PLXDC2: variants seen among roughly 807,000 people sequenced by gnomAD.
The protein encoded by PLXDC2 is plexin domain containing 2, also known as plexin domain-containing protein 2.
Under a neutral mutation model 68.9 loss-of-function variants are expected in PLXDC2, and 40 were observed. The observed-to-expected ratio is 0.58, with a 90% CI of 0.45 to 0.76. PLXDC2 has a LOEUF of 0.76. PLXDC2 is among the 30% of genes least tolerant of loss of function. PLXDC2 has a pLI of 0.00. For missense variants in PLXDC2, 644 were observed against 661.9 expected (o/e 0.97, Z 0.30); for synonymous variants, 243 against 234.2 (o/e 1.04, Z -0.34).
chr10:20,124,544 C>G (rs185026889), intron 4 of PLXDC2, among the ~76,000 whole-genome samples: 3 of 152,250 alleles, frequency 2.0e-5, no homozygotes, highest in South Asian at 2.1e-4. Flanking sequence ...TCCTGCGTGT[C>G]TGAGTGAAGA....
Position 20,217,562 on chromosome 10 carries a change from G to T in PLXDC2, c.1259G>T (p.Ser420Ile), listed in dbSNP as rs374351012. The T allele has an allele frequency of 1.5e-6, 2 of 1,365,886 alleles. No homozygotes were observed. 84.6% of individuals were successfully genotyped at this position (1,365,886 alleles called of 1,614,324 possible). Residue 420 changes from serine to isoleucine, a missense_variant, in exon 11 of 14, where the codon AGC becomes ATC. Physicochemically the swap from Ser to Ile is moderately radical, Grantham distance 142. This residue lies in a region of PLXDC2 where 330 missense variants were observed against 327.9 expected (regional missense o/e 1.01). Coordinates refer to ENST00000377252, the MANE Select transcript of PLXDC2 (RefSeq NM_032812.9). ...GCAGTGACTTCTCAGTTTCCCACCA[G>T]CCTCCCTACAGAAGGTACCCAAGAG... ...RRAVTSQFPT[S>I]LPTEDDTKIA...
At chr10:20,220,999 C>T (rs528964675) in intron 12 of PLXDC2, among the ~76,000 whole-genome samples, 90 of 151,954 alleles carry the variant, frequency 5.9e-4, no homozygotes, top group African/African-American at 2.0e-3. Context: ...CCCACCACTA[C>T]GCCTGGCTAA....
At chr10:19,967,737 C>T (rs934445302) in intron 1 of PLXDC2, among the ~76,000 whole-genome samples, 1 of 152,178 alleles carries the variant, frequency 6.6e-6, no homozygotes, top group African/African-American at 2.4e-5. Context: ...CTTTCTTTCT[C>T]ATTTTAAAGC....
At chr10:19,964,987 C>T (rs1834224070) in intron 1 of PLXDC2, among the ~76,000 whole-genome samples, 2 of 152,140 alleles carry the variant, frequency 1.3e-5, no homozygotes, top group Non-Finnish European at 2.9e-5. Flanking sequence ...TAACAGTTAT[C>T]CTGCTTGCAA....
At chr10:20,199,160 G>T (rs2131846149) in intron 9 of PLXDC2, among the ~76,000 whole-genome samples, 1 of 152,116 alleles carries the variant, frequency 6.6e-6, no homozygotes, top group East Asian at 1.9e-4. Flanking sequence ...AATGCAATTA[G>T]TAGCACTGGT....
intron 3 of PLXDC2, among the ~76,000 whole-genome samples, chr10:20,064,155 T>G (rs976919641): frequency 6.6e-6 from 1 of 151,970 alleles, no homozygotes; most frequent in African/African-American, 2.4e-5. Context: ...TCTTAAAGGA[T>G]GAAATCCAAG....
chr10:20,252,890 AC>A (rs1033870973), intron 13 of PLXDC2, among the ~76,000 whole-genome samples: 6 of 152,286 alleles, frequency 3.9e-5, no homozygotes, highest in Admixed American at 3.9e-4. Context: ...GAGCAATGTT[AC>A]CTTTTTTGAT....
chr10:20,033,297 T>C, intron 2 of PLXDC2, among the ~76,000 whole-genome samples: 1 of 152,076 alleles, frequency 6.6e-6, no homozygotes, highest in South Asian at 2.1e-4. Flanking sequence ...GGATTAAAGA[T>C]GGAGAGAATG....
At chr10:19,876,601 C>CAAAAAAAAA (rs61268790) in intron 1 of PLXDC2, among the ~76,000 whole-genome samples, 3 of 63,972 alleles carry the variant, frequency 4.7e-5, no homozygotes, top group African/African-American at 6.7e-5. Context: ...GATTCCATCT[C>CAAAAAAAAA]AAAAAAAAAA....
chr10:19,842,223 C>T (rs1836923052), intron 1 of PLXDC2, among the ~76,000 whole-genome samples: 1 of 152,144 alleles, frequency 6.6e-6, no homozygotes, highest in Admixed American at 6.5e-5. Context: ...CAGGTAGCTT[C>T]AGATCCCTGT....
chr10:20,263,556 C>A (rs968334246), intron 13 of PLXDC2, among the ~76,000 whole-genome samples: 1 of 152,128 alleles, frequency 6.6e-6, no homozygotes, highest in Non-Finnish European at 1.5e-5. Flanking sequence ...GAACTGTCAA[C>A]AAAGTAAACA....
chr10:19,871,872 G>T (rs555610735), intron 1 of PLXDC2, among the ~76,000 whole-genome samples: 1 of 128,648 alleles, frequency 7.8e-6, no homozygotes, highest in South Asian at 2.6e-4. Context: ...GGCAACAAGA[G>T]TGAAACTGTC....
At chr10:19,966,777 G>A (rs1290992885) in intron 1 of PLXDC2, among the ~76,000 whole-genome samples, 2 of 151,150 alleles carry the variant, frequency 1.3e-5, no homozygotes, top group East Asian at 3.9e-4. Context: ...TTGAGAACAG[G>A]CCTCCTGGGA....
chr10:20,265,095 A>C (rs913631560), intron 13 of PLXDC2, among the ~76,000 whole-genome samples: 3 of 152,222 alleles, frequency 2.0e-5, no homozygotes, highest in African/African-American at 7.2e-5. Context: ...AAGAAAATAG[A>C]GTAACCATGT....
chr10:20,168,777 A>G (rs914443547), intron 7 of PLXDC2, among the ~76,000 whole-genome samples: 4 of 152,200 alleles, frequency 2.6e-5, no homozygotes, highest in South Asian at 2.1e-4. Flanking sequence ...GAAGCATAGC[A>G]CATTATAATT....
intron 3 of PLXDC2, among the ~76,000 whole-genome samples, chr10:20,060,236 T>C (rs995994626): frequency 2.0e-5 from 3 of 151,906 alleles, no homozygotes; most frequent in African/African-American, 7.3e-5. Flanking sequence ...CTATTTTGCC[T>C]AGGCTGGTGT....
chr10:20,056,961 T>C (rs1836009081), intron 3 of PLXDC2, among the ~76,000 whole-genome samples: 1 of 152,132 alleles, frequency 6.6e-6, no homozygotes, highest in Non-Finnish European at 1.5e-5. Context: ...TTTATAATCA[T>C]AAAGCCTGCT....
At chr10:20,266,356 T>G (rs1835871958) in intron 13 of PLXDC2, among the ~76,000 whole-genome samples, 1 of 149,702 alleles carries the variant, frequency 6.7e-6, no homozygotes, top group African/African-American at 2.4e-5. Flanking sequence ...TTAATGAAAT[T>G]GTTGGGGAAA....
chr10:20,021,721 A>G lies in PLXDC2; in HGVS notation c.324+19735A>G, dbSNP rs1835313097. On this transcript the variant is annotated intron_variant, in intron 2 of 13. Transcript: ENST00000377252. ...TATTTATTATTTTTATTTTTTTGAG[A>G]TGGAGTCTCACTCTGTTGCCCAGGC... is the stretch of plus-strand genomic sequence containing the variant. Among the ~76,000 whole-genome samples, 3 of 138,406 alleles carry G rather than the reference A, an allele frequency of 2.2e-5. No individual in the cohort carries two copies. The South Asian group carries it at 6.6e-4, about 30-fold the overall frequency. The allele number at this position is 138,406 out of a possible 152,430, so 90.8% of individuals were successfully genotyped here.
Sources: gnomAD v4.1 joint callset for allele counts (sites outside exome capture counted in the v4.1 genomes callset) on GRCh38, gnomAD v4.1.1 for gene constraint, gnomAD v4.1.1 regional missense constraint, MANE v1.5 for transcripts, NCBI Gene and HGNC (gene_info 2026-07-23, HGNC 2026-07-21) for gene names.